CGNL1: variants seen among roughly 807,000 people sequenced by gnomAD.
CGNL1 encodes cingulin-like protein 1.
Under a neutral mutation model 141.2 loss-of-function variants are expected in CGNL1, and 132 were observed. That is an observed-to-expected ratio of 0.93 (90% confidence interval 0.81 to 1.08). The LOEUF is 1.08. CGNL1 is among the 50% of genes least tolerant of loss of function. CGNL1 has a pLI of 0.00. For missense variants in CGNL1, 1,870 were observed against 1,588.6 expected, an observed-to-expected ratio of 1.18 and a Z score of -3.01; for synonymous variants, 690 against 622.1, an observed-to-expected ratio of 1.11 and a Z score of -1.63.
intron 1 of CGNL1, among the ~76,000 whole-genome samples, chr15:57,391,091 G>A (rs2062537624): frequency 6.6e-6 from 1 of 152,154 alleles, no homozygotes; most frequent in African/African-American, 2.4e-5. Context: ...CAGGAGGTGA[G>A]GTGACTTGTC....
chr15:57,396,450 T>G (rs1016899913), intron 1 of CGNL1, among the ~76,000 whole-genome samples: 41 of 151,976 alleles, frequency 2.7e-4, no homozygotes, highest in African/African-American at 9.9e-4. Context: ...ATTTTTAATT[T>G]TTAAAAGAGA....
intron 14 of CGNL1, among the ~76,000 whole-genome samples, chr15:57,534,385 T>A (rs547446240): frequency 2.6e-5 from 4 of 152,222 alleles, no homozygotes; most frequent in Non-Finnish European, 5.9e-5. Flanking sequence ...TTCTGAGAGC[T>A]TCTCTTCTGG....
At chr15:57,463,432 G>A (rs1384565032) in intron 8 of CGNL1, among the ~76,000 whole-genome samples, 5 of 152,154 alleles carry the variant, frequency 3.3e-5, no homozygotes, top group African/African-American at 9.7e-5. Context: ...TTTCAAGAGC[G>A]ACAACTACAT....
intron 1 of CGNL1, among the ~76,000 whole-genome samples, chr15:57,427,012 C>T (rs780019303): frequency 1.2e-4 from 19 of 152,204 alleles, no homozygotes; most frequent in Non-Finnish European, 2.6e-4. Context: ...AATGAATGGC[C>T]GTTCTGCAAG....
In CGNL1 at chr15:57,438,078, C is replaced by T. The variant is rs1268779526; in HGVS notation, c.79C>T (p.Gln27Ter). ...VHLRLASDDT[Q>*]KSRSSQNSKA... ...TCTGAGACTCGCAAGTGATGATACC[C>T]AAAAATCAAGGAGTTCCCAGAACTC... Residue 27 changes from glutamine to a stop codon, truncating the protein, a stop_gained, in exon 2 of 19, where the codon CAA becomes TAA. Coordinates refer to ENST00000281282, the MANE Select transcript of CGNL1 (RefSeq NM_032866.5). LOFTEE classifies it high-confidence loss of function. 1 of 1,614,046 alleles carries T rather than the reference C, an allele frequency of 6.2e-7. No homozygotes were observed. Among genetic ancestry groups the T allele is most frequent in the Non-Finnish European group, 8.5e-7 (1 of 1,179,982 alleles).
chr15:57,393,530 T>A (rs553425375), intron 1 of CGNL1, among the ~76,000 whole-genome samples: 171 of 152,318 alleles, frequency 1.1e-3, no homozygotes, highest in Non-Finnish European at 2.0e-3. Flanking sequence ...TATGCATGTG[T>A]GTGTTTAATG....
At chr15:57,409,237 G>T (rs1486386304) in intron 1 of CGNL1, among the ~76,000 whole-genome samples, 1 of 152,222 alleles carries the variant, frequency 6.6e-6, no homozygotes, top group South Asian at 2.1e-4. Flanking sequence ...GCAAGCTCAG[G>T]AAGCAGAGGG....
chr15:57,382,202 A>G (rs1423892302), intron 1 of CGNL1, among the ~76,000 whole-genome samples: 1 of 152,212 alleles, frequency 6.6e-6, no homozygotes, highest in African/African-American at 2.4e-5. Context: ...AAGGGCTTAG[A>G]GGCCATATGG....
chr15:57,471,351 G>A (rs754563555), intron 8 of CGNL1, among the ~76,000 whole-genome samples: 1 of 152,184 alleles, frequency 6.6e-6, no homozygotes, highest in Non-Finnish European at 1.5e-5. Flanking sequence ...TCCATTAGGA[G>A]GATCCCTCAC....
In CGNL1 at chr15:57,430,081, G is replaced by A. The variant is rs148922435; in HGVS notation, c.-15-7904G>A. Among the ~76,000 whole-genome samples, 385 of 152,330 alleles carry A rather than the reference G, an allele frequency of 2.5e-3. 4 individuals carry two copies. The highest frequency in any genetic ancestry group is 9.0e-3 in the African/African-American group (373 of 41,586). On this transcript the variant is annotated intron_variant, in intron 1 of 18. Coordinates refer to ENST00000281282, the MANE Select transcript of CGNL1 (RefSeq NM_032866.5). Reference sequence around the variant, plus strand: ...CTGCCTCAGCCTCCCAAAGTGCTGGGGTGACTGGCGTGAGCCACTGCCCGG... The same window carrying A: ...CTGCCTCAGCCTCCCAAAGTGCTGGAGTGACTGGCGTGAGCCACTGCCCGG...
intron 1 of CGNL1, among the ~76,000 whole-genome samples, chr15:57,409,993 A>G (rs1377099431): frequency 6.6e-6 from 1 of 152,194 alleles, no homozygotes; most frequent in Non-Finnish European, 1.5e-5. Context: ...TCTGTTCTGG[A>G]AGATTAAAGG....
chr15:57,522,092 G>C (rs1299316764), intron 10 of CGNL1, among the ~76,000 whole-genome samples: 2 of 152,206 alleles, frequency 1.3e-5, no homozygotes, highest in Non-Finnish European at 1.5e-5. Context: ...AGCAGCAGCT[G>C]TGCTGGAGCA....
In CGNL1 at chr15:57,426,337, G is replaced by C. The variant is rs147318838; in HGVS notation, c.-15-11648G>C. Among the ~76,000 whole-genome samples, 951 of 152,032 alleles carry C rather than the reference G, an allele frequency of 6.3e-3. 14 individuals are homozygous for C. Among genetic ancestry groups the C allele is most frequent in the African/African-American group, 0.022 (906 of 41,466 alleles). On this transcript the variant is annotated intron_variant, in intron 1 of 18. Transcript: ENST00000281282. ...TTTTTGTATTTTTAGTAGAGACAGG[G>C]TTTCACCATGTTGAACAGGCTGGTC...
At chr15:57,534,256 A>C (rs2032123402) in intron 14 of CGNL1, among the ~76,000 whole-genome samples, 1 of 152,174 alleles carries the variant, frequency 6.6e-6, no homozygotes, top group Non-Finnish European at 1.5e-5. Context: ...TCACTGCATC[A>C]TCTGAGATAG....
intron 7 of CGNL1, among the ~76,000 whole-genome samples, chr15:57,457,598 T>G (rs1016528117): frequency 6.6e-6 from 1 of 152,236 alleles, no homozygotes; most frequent in South Asian, 2.1e-4. Context: ...CAGTTCCATG[T>G]GGCCAGGGAG....
At chr15:57,504,789 C>G (rs538352423) in intron 8 of CGNL1, among the ~76,000 whole-genome samples, 1 of 152,312 alleles carries the variant, frequency 6.6e-6, no homozygotes, top group South Asian at 2.1e-4. Context: ...CATGGCCACT[C>G]CTGACTTCAA....
intron 8 of CGNL1, among the ~76,000 whole-genome samples, chr15:57,515,370 T>C (rs1169333230): frequency 6.6e-6 from 1 of 152,230 alleles, no homozygotes. Flanking sequence ...TTCAGGATAA[T>C]AAGCTTACTG....
intron 8 of CGNL1, among the ~76,000 whole-genome samples, chr15:57,504,010 G>A (rs998988948): frequency 1.2e-4 from 18 of 152,218 alleles, no homozygotes; most frequent in South Asian, 2.1e-4. Context: ...TGTGCCCTGC[G>A]TGGCATTGTG....
chr15:57,399,390 C>T lies in CGNL1; in HGVS notation c.-16+22823C>T, dbSNP rs1225697453. ...CAATATTTAATTTAATCCCCAAATT[C>T]TAATTGTAGTCCATATTTGAATACT... On this transcript the variant is annotated intron_variant, in intron 1 of 18. Transcript: ENST00000281282. Among the ~76,000 whole-genome samples, 9 of 152,286 alleles carry T rather than the reference C, an allele frequency of 5.9e-5. No individual in the cohort carries two copies. The East Asian group carries it at 1.7e-3, about 29-fold the overall frequency.
Sources: gnomAD v4.1 joint callset for allele counts (sites outside exome capture counted in the v4.1 genomes callset) on GRCh38, gnomAD v4.1.1 for gene constraint, MANE v1.5 for transcripts, NCBI Gene and HGNC (gene_info 2026-07-23, HGNC 2026-07-21) for gene names.